The following SIRT7 variants were observed in gnomAD, a reference collection of about 807,000 sequenced individuals.
SIRT7 encodes NAD-dependent protein deacetylase sirtuin-7.
SIRT7 carries 32 observed loss-of-function variants against 42.8 expected under a neutral mutation model. That is an observed-to-expected ratio of 0.75 (90% CI 0.56 to 1.00). The LOEUF is 1.00. Ranked by LOEUF, SIRT7 falls within the 50% of genes least tolerant of loss-of-function variation. SIRT7 has a pLI of 0.00. For synonymous variants in SIRT7, 297 were observed against 245.2 expected, an observed-to-expected ratio of 1.21 and a Z score of -1.97; for missense variants, 553 against 572.2, an observed-to-expected ratio of 0.97 and a Z score of 0.34.
Position 81,912,237 on chromosome 17 carries a change from G to A in SIRT7, c.*179C>T, listed in dbSNP as rs991329660. 3.0e-5 allele frequency: 22 copies of A among 730,026 alleles called. No homozygotes were observed. The highest frequency in any genetic ancestry group is 8.1e-5 in the East Asian group (3 of 37,000). The allele number at this position is 730,026 out of a possible 1,614,324, so 45.2% of individuals were successfully genotyped here. On this transcript the variant is annotated 3_prime_UTR_variant, in exon 10 of 10. Coordinates refer to ENST00000328666, the MANE Select transcript of SIRT7 (RefSeq NM_016538.3). ...GGCAGGTGTCCTCGATGGCCAGGCC[G>A]TATCAGGGTACAACCGCAGCAGTGC... is the stretch of plus-strand genomic sequence containing the variant.
intron 5 of SIRT7, 155 bp from the exon 6 acceptor site, chr17:81,914,857 C>G (rs976449406): frequency 6.0e-5 from 38 of 634,302 alleles, no homozygotes; most frequent in South Asian, 5.0e-4. Context: ...AAGTAAAACA[C>G]ACAACAGGTC....
At chr17:81,915,230 G>A (rs2040772993) in intron 5 of SIRT7, 2 of 600,292 alleles carry the variant, frequency 3.3e-6, no homozygotes, top group South Asian at 4.0e-5. Context: ...GCTGAGGCTG[G>A]CTGCGGATGG....
Position 81,914,432 on chromosome 17 carries a change from G to T in SIRT7, c.678C>A (p.His226Gln), listed in dbSNP as rs1379230111. The T allele has an allele frequency of 6.2e-7, 1 of 1,612,988 alleles. No homozygotes were observed. Among genetic ancestry groups the T allele is most frequent in the South Asian group, 1.1e-5 (1 of 91,088 alleles). ...TGTCCCGCAGCTGGGTCCCACACTT[G>T]TGGCAGGTCCGGCCTGTCTGGTGTC... is the stretch of plus-strand genomic sequence containing the variant. ...LHRHQTGRTC[H>Q]KCGTQLRDTI... Residue 226 changes from histidine to glutamine, a missense_variant, in exon 7 of 10, where the codon CAC becomes CAA. Transcript: ENST00000328666.
chr17:81,915,724 C>T (rs2040784476), intron 3 of SIRT7, 43 bp from the exon 4 acceptor site: 1 of 1,598,182 alleles, frequency 6.3e-7, no homozygotes, highest in Admixed American at 1.7e-5. Flanking sequence ...AAAGGCACCA[C>T]TGTAGGTACT....
At chr17:81,916,096 G>A (rs961984224) in intron 3 of SIRT7, 3 of 242,994 alleles carry the variant, frequency 1.2e-5, no homozygotes, top group African/African-American at 2.2e-5. Context: ...GGGTCCAGGC[G>A]ACTGTCCATT....
At chr17:81,915,939 C>T in intron 3 of SIRT7, 1 of 492,490 alleles carries the variant, frequency 2.0e-6, no homozygotes, top group East Asian at 3.8e-5. Flanking sequence ...CTGCCTGCCT[C>T]CGGAAGCCTC....
In SIRT7 at chr17:81,912,487, A is replaced by T. The variant is rs2040692796; in HGVS notation, c.1132T>A (p.Ser378Thr). 1.2e-6 allele frequency: 2 copies of T among 1,613,772 alleles called. No individual in the cohort carries two copies. Among genetic ancestry groups the T allele is most frequent in the Non-Finnish European group, 1.7e-6 (2 of 1,180,000 alleles). The change falls in exon 10 of 10, where the codon TCG (serine) becomes ACG (threonine). Residue 378 changes from serine (S) to threonine (T), a missense_variant. Coordinates refer to ENST00000328666, the MANE Select transcript of SIRT7 (RefSeq NM_016538.3). ...AACCAGCCCCCTAGGATGGGGGCCG[A>T]GCTAAGCGGTGCACCCCGGTCCCCA... ...PPGDRGAPLSSAPILGGWFGR... is the reference protein window; with the variant it reads ...PPGDRGAPLSTAPILGGWFGR...
Position 81,917,600 on chromosome 17 carries a change from CG to C in SIRT7, c.336+14del. 1 of 1,584,044 alleles carries C rather than the reference CG, an allele frequency of 6.3e-7. No homozygotes were observed. The highest frequency in any genetic ancestry group is 1.1e-5 in the South Asian group (1 of 87,912). On this transcript the variant is annotated intron_variant, in intron 3 of 9. Coordinates refer to ENST00000328666, the MANE Select transcript of SIRT7 (RefSeq NM_016538.3). ...CATACTCCGTCCTGGGGTACGCCTC[CG>C]CCTCCCTCCCTACCGTGCTGATTCC...
rs946382391 is a variant in SIRT7, at chr17:81,917,818, C to A, written c.231+12G>T. The A allele has an allele frequency of 5.7e-6, 8 of 1,414,314 alleles. No homozygotes were observed. The highest frequency in any genetic ancestry group is 3.3e-5 in the Admixed American group (1 of 30,414). The allele number at this position is 1,414,314 out of a possible 1,614,324, so 87.6% of individuals were successfully genotyped here. A position where few individuals can be genotyped will look rare whatever the true frequency, so the allele number is the denominator to read the frequency against. Reference sequence around the variant, plus strand: ...AAACCGGGGGCGCCCGCGCGCCGCACGCGGAACTCGCCTCCTCCTGCCGCC... The same window carrying A: ...AAACCGGGGGCGCCCGCGCGCCGCAAGCGGAACTCGCCTCCTCCTGCCGCC... On this transcript the variant is annotated intron_variant, in intron 2 of 9. Coordinates refer to ENST00000328666, the MANE Select transcript of SIRT7 (RefSeq NM_016538.3).
intron 5 of SIRT7, 42 bp downstream of exon 5, chr17:81,915,398 G>C: frequency 1.3e-6 from 2 of 1,592,230 alleles, no homozygotes; most frequent in South Asian, 1.1e-5. Flanking sequence ...AAGGTGCTCT[G>C]CCTGGTCCCT....
Position 81,913,839 on chromosome 17 carries a change from C to T in SIRT7, c.939G>A (p.Gly313=), listed in dbSNP as rs1472201306. 6.4e-7 allele frequency: 1 copy of T among 1,550,964 alleles called. No homozygotes were observed. The change falls in exon 9 of 10, where the codon GGG becomes GGA. Residue 313 remains glycine, a synonymous_variant. Transcript: ENST00000328666. The surrounding 1 kb of genome is among the most constrained non-coding windows in gnomAD (Gnocchi z 5.0). ...GGAGCCGCATGACGTCATCACACTT[C>T]CCATGTAGCTTCAGGGCAGCCCAGT... ...KDDWAALKLH[G]KCDDVMRLLM... is the part of the protein sequence containing the mutation.
At position 81,914,303 on chromosome 17, in the gene SIRT7, G is replaced by A. The variant is rs947213365; in HGVS notation, c.807C>T (p.Ser269=). Residue 269 remains serine (S), a synonymous_variant, in exon 7 of 10, where the codon TCC becomes TCT. Coordinates refer to ENST00000328666, the MANE Select transcript of SIRT7 (RefSeq NM_016538.3). ...TGTCATCGGCACGTACCTTCAGGCT[G>A]GACCCTAGACACAGGATGGTGTCTG... ...SRADTILCLG[S]SLKVLKKYPR... 14 of 1,613,024 alleles carry A rather than the reference G, an allele frequency of 8.7e-6. No homozygotes were observed. Among genetic ancestry groups the A allele is most frequent in the Admixed American group, 1.7e-5 (1 of 60,006 alleles).
intron 6 of SIRT7, 27 bp downstream of exon 6, chr17:81,914,577 A>G (rs912966789): frequency 6.2e-7 from 1 of 1,611,992 alleles, no homozygotes; most frequent in Admixed American, 1.7e-5. Flanking sequence ...GCCCATGGAG[A>G]CCCTGGGTCC....
Position 81,914,594 on chromosome 17 carries a change from G to A in SIRT7, c.579+10C>T, listed in dbSNP as rs757567562. The A allele has an allele frequency of 6.2e-7, 1 of 1,613,056 alleles. No homozygotes were observed. Among genetic ancestry groups the A allele is most frequent in the Non-Finnish European group, 8.5e-7 (1 of 1,179,894 alleles). ...CCATGGAGACCCTGGGTCCCTGCAG[G>A]ACTGCTCACTTCAATGTACATGTTC... On this transcript the variant is annotated intron_variant, in intron 6 of 9. Transcript: ENST00000328666.
At position 81,914,924 on chromosome 17, in the gene SIRT7, C is replaced by G. The variant is rs184098136; in HGVS notation, c.481-222G>C. The G allele has an allele frequency of 6.9e-5, 40 of 576,360 alleles. No homozygotes were observed. The East Asian group carries it at 1.1e-3, about 16-fold the overall frequency. 35.7% of individuals were successfully genotyped at this position (576,360 alleles called of 1,614,324 possible). On this transcript the variant is annotated intron_variant, in intron 5 of 9. Transcript: ENST00000328666. ...GGGAGGGGCTGTCCTTCCTCCAGCC[C>G]TGATGCACCTGGAGTGGCTGGGAGG...
In SIRT7 at chr17:81,915,498, C is replaced by A; in HGVS notation, c.422G>T (p.Ser141Ile). The change falls in exon 5 of 10, where the codon AGC becomes ATC. Residue 141 changes from serine (S) to isoleucine (I), a missense_variant. Physicochemically the swap from Ser to Ile is moderately radical, Grantham distance 142. Transcript: ENST00000328666. The part of the protein sequence containing the change: ...KGRSVSAADL[S>I]EAEPTLTHMS... ...GTGGGTGAGGGTTGGCTCGGCCTCGCTCAGGTCGGCAGCACTGCCAGGCAG... is the reference window on the plus strand; with the variant it reads ...GTGGGTGAGGGTTGGCTCGGCCTCGATCAGGTCGGCAGCACTGCCAGGCAG... 1 of 1,613,710 alleles carries A rather than the reference C, an allele frequency of 6.2e-7. No homozygotes were observed. The highest frequency in any genetic ancestry group is 2.2e-5 in the East Asian group (1 of 44,882).
intron 3 of SIRT7, chr17:81,916,741 A>G (rs1009628865): frequency 6.6e-6 from 1 of 152,234 alleles, no homozygotes; most frequent in Non-Finnish European, 1.5e-5. Flanking sequence ...CTAGGATTAT[A>G]GGCATGAGCC....
At chr17:81,915,399 C>A in intron 5 of SIRT7, 41 bp downstream of exon 5, 2 of 1,593,660 alleles carry the variant, frequency 1.3e-6, no homozygotes, top group South Asian at 1.1e-5. Flanking sequence ...AGGTGCTCTG[C>A]CTGGTCCCTG....
chr17:81,914,372 C>T lies in SIRT7; in HGVS notation c.738G>A (p.Gly246=), dbSNP rs199963145. The T allele has an allele frequency of 3.5e-5, 56 of 1,612,770 alleles. No homozygotes were observed. Among genetic ancestry groups the T allele is most frequent in the Non-Finnish European group, 4.6e-5 (54 of 1,179,986 alleles). The stretch of plus-strand genomic sequence containing the variant: ...TCGCCGCTTCCCAGTTCAAAGGCTG[C>T]CCCAACGTCCCCCTCTCCCCAAAGT... The part of the protein sequence containing the change: ...IVHFGERGTL[G]QPLNWEAATE... The change falls in exon 7 of 10, where the codon GGG becomes GGA. Residue 246 remains glycine, a synonymous_variant. Coordinates refer to ENST00000328666, the MANE Select transcript of SIRT7 (RefSeq NM_016538.3).
Sources: gnomAD v4.1 joint callset for allele counts on GRCh38, gnomAD v4.1.1 for gene constraint, Gnocchi (gnomAD v3.1) non-coding constraint, MANE v1.5 for transcripts, NCBI Gene and HGNC (gene_info 2026-07-23, HGNC 2026-07-21) for gene names.